The following GNG7 variants were observed in gnomAD, a reference collection of about 807,000 sequenced individuals.
GNG7 encodes the protein G protein subunit gamma 7.
GNG7 carries 1 observed loss-of-function variant against 4.0 expected under a neutral mutation model. The observed-to-expected ratio is 0.25, with a 90% CI of 0.09 to 1.18. The LOEUF (loss-of-function observed/expected upper bound fraction) is 1.18, where lower values mean the gene tolerates loss of function less well. Ranked by LOEUF, GNG7 falls within the 50% of genes most tolerant of loss-of-function variation. The pLI, the probability that GNG7 is intolerant of heterozygous loss-of-function variation, is 0.50. For synonymous variants in GNG7, 34 were observed against 36.9 expected (o/e 0.92, Z 0.29); for missense variants, 86 against 91.9 (o/e 0.94, Z 0.26).
intron 3 of GNG7, among the ~76,000 whole-genome samples, chr19:2,547,214 G>A (rs1979158508): frequency 6.6e-6 from 1 of 152,040 alleles, no homozygotes; most frequent in Non-Finnish European, 1.5e-5. Flanking sequence ...CTCCCTGGAC[G>A]TTCGTTGTGT....
intron 2 of GNG7, among the ~76,000 whole-genome samples, chr19:2,640,904 C>T (rs1223159776): frequency 6.6e-6 from 1 of 152,246 alleles, no homozygotes; most frequent in Non-Finnish European, 1.5e-5. Flanking sequence ...GCTGCGATGA[C>T]AGGCGTGAGC....
At chr19:2,688,507 C>T (rs1037440475) in intron 1 of GNG7, among the ~76,000 whole-genome samples, 2 of 152,072 alleles carry the variant, frequency 1.3e-5, no homozygotes, top group Non-Finnish European at 2.9e-5. Flanking sequence ...TGTTCTTTCC[C>T]GAAACCCGTA....
chr19:2,568,546 CATATAT>C (rs150319699), intron 2 of GNG7, among the ~76,000 whole-genome samples: 5 of 151,944 alleles, frequency 3.3e-5, no homozygotes, highest in African/African-American at 9.7e-5. Flanking sequence ...CACACATACA[CATATAT>C]ATACACACAT....
chr19:2,657,642 G>A (rs1041548773), intron 1 of GNG7, among the ~76,000 whole-genome samples: 1 of 149,760 alleles, frequency 6.7e-6, no homozygotes, highest in African/African-American at 2.5e-5. Context: ...TTGGAGCCAG[G>A]AGAGCTGGAG....
At chr19:2,625,591 G>C (rs1982000246) in intron 2 of GNG7, among the ~76,000 whole-genome samples, 1 of 152,116 alleles carries the variant, frequency 6.6e-6, no homozygotes, top group Non-Finnish European at 1.5e-5. Context: ...ACTTGTAGAA[G>C]GGCCATGGGT....
At chr19:2,610,255 G>C (rs1981518864) in intron 2 of GNG7, 1 of 151,570 alleles carries the variant, frequency 6.6e-6, no homozygotes, top group Non-Finnish European at 1.5e-5. Flanking sequence ...CAGCCTCCTG[G>C]ACTCAAGCAA....
intron 3 of GNG7, among the ~76,000 whole-genome samples, chr19:2,536,241 T>A (rs1408182935): frequency 6.6e-6 from 1 of 151,150 alleles, no homozygotes; most frequent in Non-Finnish European, 1.5e-5. Flanking sequence ...CATGATGAAA[T>A]CCCGTCTCTA....
chr19:2,687,037 C>T (rs1465517850), intron 1 of GNG7, among the ~76,000 whole-genome samples: 1 of 150,884 alleles, frequency 6.6e-6, no homozygotes, highest in Non-Finnish European at 1.5e-5. Context: ...CAGGCGTGAG[C>T]CACCGCGCCT....
intron 1 of GNG7, among the ~76,000 whole-genome samples, chr19:2,699,628 G>A (rs562037651): frequency 2.0e-5 from 3 of 152,296 alleles, no homozygotes; most frequent in South Asian, 4.1e-4. Flanking sequence ...TATAACAAGG[G>A]TTCCACACTG....
rs549536790 is a variant in GNG7 at position 2,682,283 on chromosome 19, C to G, written c.-135+20363G>C. On this transcript the variant is annotated intron_variant, in intron 1 of 4. Coordinates refer to ENST00000382159, the MANE Select transcript of GNG7 (RefSeq NM_052847.3). ...AGCTAGAAGGAAGCCGGAGTTTTAC[C>G]TGGAAAAATGTGCAAGGAAACGTGG... is the stretch of plus-strand genomic sequence containing the variant. Among the ~76,000 whole-genome samples the G allele has an allele frequency of 3.0e-3, 463 of 152,222 alleles. 2 individuals are homozygous for G. The highest frequency in any genetic ancestry group is 0.01 in the African/African-American group (430 of 41,536).
intron 1 of GNG7, among the ~76,000 whole-genome samples, chr19:2,671,502 C>G (rs1983451168): frequency 6.6e-6 from 1 of 152,116 alleles, no homozygotes; most frequent in Non-Finnish European, 1.5e-5. Flanking sequence ...TCCCCGAGAC[C>G]CGAGAGCTGG....
At chr19:2,586,626 TACAC>T (rs1430758243) in intron 2 of GNG7, among the ~76,000 whole-genome samples, 7 of 152,152 alleles carry the variant, frequency 4.6e-5, no homozygotes, top group Non-Finnish European at 1.0e-4. Flanking sequence ...AGGTAGAATT[TACAC>T]ACACGCACGC....
In GNG7 at chr19:2,634,539, G is replaced by T. The variant is rs1982255848; in HGVS notation, c.-78+11685C>A. ...CAGGGAGAGGTTTCTGAGTCCTGGA[G>T]ACTGTGGCAGAGCCCCTGATTTCGG... On this transcript the variant is annotated intron_variant, in intron 2 of 4. Transcript: ENST00000382159. This position sits in a 1 kb window ranked among gnomAD's most constrained non-coding sequence, Gnocchi z 5.3. Among the ~76,000 whole-genome samples, 1 of 152,120 alleles carries T rather than the reference G, an allele frequency of 6.6e-6. No homozygotes were observed. The highest frequency in any genetic ancestry group is 1.5e-5 in the Non-Finnish European group (1 of 68,020).
intron 3 of GNG7, chr19:2,538,013 G>A: frequency 7.6e-6 from 3 of 396,226 alleles, no homozygotes; most frequent in South Asian, 5.6e-5. Flanking sequence ...GAAGGCGGAG[G>A]CTGTAGTGAG....
chr19:2,687,204 T>C (rs996460636), intron 1 of GNG7, among the ~76,000 whole-genome samples: 1 of 152,048 alleles, frequency 6.6e-6, no homozygotes, highest in Non-Finnish European at 1.5e-5. Context: ...ATTACAGGCA[T>C]GCGCCACTAT....
rs935635718 is a variant in GNG7, at chr19:2,689,442, G to A, written c.-135+13204C>T. On this transcript the variant is annotated intron_variant, in intron 1 of 4. Transcript: ENST00000382159. Reference sequence around the variant, plus strand: ...GTTCGAGACCAGCCTGGCCATCATGGTGAAACCCCGTCTCTACTAAAAATA... The same window carrying A: ...GTTCGAGACCAGCCTGGCCATCATGATGAAACCCCGTCTCTACTAAAAATA... Among the ~76,000 whole-genome samples, 169 of 151,644 alleles carry A rather than the reference G, an allele frequency of 1.1e-3. 1 individual carries two copies. The highest frequency in any genetic ancestry group is 3.8e-3 in the African/African-American group (157 of 41,394).
intron 1 of GNG7, among the ~76,000 whole-genome samples, chr19:2,683,095 T>C (rs928843629): frequency 1.3e-5 from 2 of 152,022 alleles, no homozygotes; most frequent in Non-Finnish European, 2.9e-5. Context: ...AAAAATTAGC[T>C]GGGCGTGCTG....
At chr19:2,528,228 G>A (rs1432292206) in intron 3 of GNG7, among the ~76,000 whole-genome samples, 12 of 137,604 alleles carry the variant, frequency 8.7e-5, no homozygotes, top group African/African-American at 2.8e-4. Flanking sequence ...CCAAGATCGC[G>A]CCACTGCACT....
intron 1 of GNG7, among the ~76,000 whole-genome samples, chr19:2,657,361 A>AAT (rs869231931): frequency 0.011 from 187 of 16,274 alleles, 2 homozygotes; most frequent in African/African-American, 0.013. Context: ...AAAAAAAAAA[A>AAT]ATATATATAT....
Sources: allele counts gnomAD v4.1 joint callset (sites outside exome capture counted in the v4.1 genomes callset), GRCh38; gene constraint gnomAD v4.1.1; non-coding constraint Gnocchi (gnomAD v3.1); transcripts MANE v1.5; gene names NCBI Gene and HGNC (gene_info 2026-07-23, HGNC 2026-07-21).